SND1: variants seen among roughly 807,000 people sequenced by gnomAD.
The protein encoded by SND1 is staphylococcal nuclease domain-containing protein 1.
SND1 carries 38 observed loss-of-function variants against 121.7 expected under a neutral mutation model. That is an observed-to-expected ratio of 0.31 (90% CI 0.24 to 0.41). The LOEUF (loss-of-function observed/expected upper bound fraction) is 0.41, where lower values mean the gene tolerates loss of function less well. Ranked by LOEUF, SND1 falls within the 10% of genes least tolerant of loss-of-function variation. The pLI, the probability that SND1 is intolerant of heterozygous loss-of-function variation, is 1.00. For missense variants in SND1, 868 were observed against 1,184.6 expected (o/e 0.73, Z 3.92); for synonymous variants, 401 against 447.4 (o/e 0.90, Z 1.31).
chr7:128,032,301 C>G (rs1367894907), intron 16 of SND1, among the ~76,000 whole-genome samples: 1 of 149,510 alleles, frequency 6.7e-6, no homozygotes, highest in East Asian at 2.0e-4. Context: ...TCCTCTCTTC[C>G]TCTCTCCCCC....
At chr7:127,935,616 T>C (rs1801045212) in intron 15 of SND1, among the ~76,000 whole-genome samples, 1 of 152,150 alleles carries the variant, frequency 6.6e-6, no homozygotes, top group Admixed American at 6.5e-5. Flanking sequence ...GGAGTAGGCT[T>C]GGAGAGAGAA....
At chr7:127,878,133 T>C (rs1019462664) in intron 12 of SND1, among the ~76,000 whole-genome samples, 1 of 152,130 alleles carries the variant, frequency 6.6e-6, no homozygotes, top group African/African-American at 2.4e-5. Context: ...TCAATCTTCA[T>C]TGTTTTCTTT....
At chr7:127,734,331 T>C (rs1401366233) in intron 10 of SND1, among the ~76,000 whole-genome samples, 1 of 152,132 alleles carries the variant, frequency 6.6e-6, no homozygotes, top group East Asian at 1.9e-4. Flanking sequence ...GTAGAGTTTC[T>C]TAGGGTTTAT....
intron 1 of SND1, among the ~76,000 whole-genome samples, chr7:127,670,674 T>C (rs542297061): frequency 1.3e-5 from 2 of 152,126 alleles, no homozygotes; most frequent in East Asian, 3.9e-4. Flanking sequence ...ATTTATTTAT[T>C]TATTTTTATT....
rs918735106 is a variant in SND1, at chr7:128,086,859, C to G, written c.2305-79C>G. The G allele has an allele frequency of 1.3e-5, 15 of 1,192,210 alleles. No individual in the cohort carries two copies. In the African/African-American group the frequency reaches 2.3e-4, roughly 18 times the overall value. The allele number at this position is 1,192,210 out of a possible 1,614,324, so 73.9% of individuals were successfully genotyped here. On this transcript the variant is annotated intron_variant, in intron 20 of 23. Coordinates refer to ENST00000354725, the MANE Select transcript of SND1 (RefSeq NM_014390.4). The stretch of plus-strand genomic sequence containing the variant: ...GCCCAGAGTTAGCATTCCCAGAGGC[C>G]TGGCCACAGAGAGCTGTCCTGTGAG...
intron 9 of SND1, among the ~76,000 whole-genome samples, chr7:127,713,218 C>T (rs1179089501): frequency 6.6e-6 from 1 of 152,240 alleles, no homozygotes; most frequent in Non-Finnish European, 1.5e-5. Flanking sequence ...GGCAATATTC[C>T]AGGAAAACTT....
rs1400110405 is a variant in SND1, at chr7:128,052,727, T to C, written c.1780-21775T>C. On this transcript the variant is annotated intron_variant, in intron 16 of 23. Coordinates refer to ENST00000354725, the MANE Select transcript of SND1 (RefSeq NM_014390.4). The surrounding 1 kb of genome is among the most constrained non-coding windows in gnomAD (Gnocchi z 4.6). Reference sequence around the variant, plus strand: ...TCTCCTTGTCCAAAGCCTGGCCCGATGGGCTGTGTCTGGAATGCCAGTCTT... The same window carrying C: ...TCTCCTTGTCCAAAGCCTGGCCCGACGGGCTGTGTCTGGAATGCCAGTCTT... Among the ~76,000 whole-genome samples, 1 of 152,236 alleles carries C rather than the reference T, an allele frequency of 6.6e-6. No individual in the cohort carries two copies. The highest frequency in any genetic ancestry group is 1.5e-5 in the Non-Finnish European group (1 of 68,040).
chr7:128,030,359 G>A (rs1458361438), intron 16 of SND1: 6 of 1,613,956 alleles, frequency 3.7e-6, no homozygotes, highest in Non-Finnish European at 3.4e-6. Context: ...GGTGGCGGAA[G>A]GTGTCGGCCT....
chr7:127,655,184 G>C (rs1795189876), intron 1 of SND1, among the ~76,000 whole-genome samples: 2 of 152,208 alleles, frequency 1.3e-5, no homozygotes, highest in Non-Finnish European at 1.5e-5. Context: ...GTTTGCTGCT[G>C]TAAAGAGGAA....
intron 15 of SND1, among the ~76,000 whole-genome samples, chr7:127,938,977 C>T (rs1801124389): frequency 6.6e-6 from 1 of 151,962 alleles, no homozygotes; most frequent in Non-Finnish European, 1.5e-5. Context: ...ATTGTGTCTA[C>T]TGGAGTAAAG....
At chr7:128,035,127 G>C (rs1224623882) in intron 16 of SND1, among the ~76,000 whole-genome samples, 3 of 152,232 alleles carry the variant, frequency 2.0e-5, no homozygotes, top group Non-Finnish European at 2.9e-5. Context: ...TATAGAATGA[G>C]CCCTGTGCTA....
intron 1 of SND1, among the ~76,000 whole-genome samples, chr7:127,667,696 G>A (rs1795444235): frequency 6.6e-6 from 1 of 152,180 alleles, no homozygotes. Flanking sequence ...CTTTAGACTA[G>A]GGCTGAGTCC....
rs768587806 is a variant in SND1, at chr7:127,721,332, T to C, written c.1084T>C (p.Ser362Pro). Residue 362 changes from serine (S) to proline (P), a missense_variant, in exon 10 of 24, where the codon TCA (serine) becomes CCA (proline). Around this residue, in one of 2 missense-constraint regions of SND1, gnomAD observed 743 missense variants for 1,071.3 expected, o/e 0.69. Transcript: ENST00000354725. ...TGATGCCATTGTTGTGAAGCTGAAC[T>C]CAGGCGATTACAAGACGATTCACCT... is the stretch of plus-strand genomic sequence containing the variant. ...NADAIVVKLN[S>P]GDYKTIHLSS... 17 of 1,613,636 alleles carry C rather than the reference T, an allele frequency of 1.1e-5. No homozygotes were observed. Among genetic ancestry groups the C allele is most frequent in the Non-Finnish European group, 1.4e-5 (17 of 1,179,854 alleles).
intron 10 of SND1, among the ~76,000 whole-genome samples, chr7:127,758,395 G>A (rs1427082234): frequency 1.3e-5 from 2 of 152,212 alleles, no homozygotes; most frequent in Non-Finnish European, 2.9e-5. Context: ...TGTGCAAAGC[G>A]TATCTGTAGA....
At chr7:127,960,732 A>G (rs1317956558) in intron 15 of SND1, among the ~76,000 whole-genome samples, 3 of 152,204 alleles carry the variant, frequency 2.0e-5, no homozygotes, top group Admixed American at 6.5e-5. Flanking sequence ...GTTGCAATCT[A>G]TATTCAGATC....
chr7:127,773,507 G>A (rs549673098), intron 10 of SND1, among the ~76,000 whole-genome samples: 33 of 151,796 alleles, frequency 2.2e-4, no homozygotes, highest in Non-Finnish European at 3.7e-4. Context: ...ATAATGGTTT[G>A]GGATGTTTGT....
chr7:127,939,124 G>GT (rs1443737309), intron 15 of SND1, among the ~76,000 whole-genome samples: 3 of 152,202 alleles, frequency 2.0e-5, no homozygotes, highest in African/African-American at 7.2e-5. Flanking sequence ...CAAAAAGGCT[G>GT]TTTCAAAACT....
intron 15 of SND1, among the ~76,000 whole-genome samples, chr7:127,963,334 ATGC>A (rs1268097172): frequency 1.4e-5 from 2 of 146,476 alleles, no homozygotes; most frequent in Non-Finnish European, 3.0e-5. Context: ...TACATGTGCC[ATGC>A]TGGTGCGCTG....
chr7:128,068,081 C>T (rs547031559), intron 16 of SND1, among the ~76,000 whole-genome samples: 4 of 152,242 alleles, frequency 2.6e-5, no homozygotes, highest in South Asian at 4.2e-4. Context: ...TTCAGCTTTG[C>T]GCCTACTTGG....
Sources: allele counts gnomAD v4.1 joint callset (sites outside exome capture counted in the v4.1 genomes callset), GRCh38; gene constraint gnomAD v4.1.1; regional missense constraint gnomAD v4.1.1; non-coding constraint Gnocchi (gnomAD v3.1); transcripts MANE v1.5; gene names NCBI Gene and HGNC (gene_info 2026-07-23, HGNC 2026-07-21).